The following MRTFB variants were observed in gnomAD, a reference collection of about 807,000 sequenced individuals.
The protein encoded by MRTFB is myocardin related transcription factor B.
A neutral mutation model predicts 104.2 loss-of-function variants in MRTFB; 29 were observed. The ratio of observed to expected loss-of-function variants is 0.28; its 90% CI spans 0.21 to 0.38. The LOEUF is 0.38. MRTFB is among the 10% of genes least tolerant of loss of function. MRTFB has a pLI of 1.00. For missense variants in MRTFB, 1,270 were observed against 1,341.6 expected, an observed-to-expected ratio of 0.95 and a Z score of 0.83; for synonymous variants, 535 against 519.5, an observed-to-expected ratio of 1.03 and a Z score of -0.41.
chr16:14,187,083 G>A (rs767375095), intron 3 of MRTFB: 41 of 1,502,322 alleles, frequency 2.7e-5, no homozygotes, highest in Non-Finnish European at 3.5e-5. Context: ...TCATATTCTG[G>A]TCAGCCAGCT....
At chr16:13,998,316 T>G in the MRTFB span, among the ~76,000 whole-genome samples, 1 of 152,202 alleles carries the variant, frequency 6.6e-6, no homozygotes, top group African/African-American at 2.4e-5. Flanking sequence ...GTAACAGACC[T>G]GGGATTCTTA....
chr16:14,005,682 C>A, the MRTFB span, among the ~76,000 whole-genome samples: 124 of 152,216 alleles, frequency 8.1e-4, 1 homozygote, highest in East Asian at 0.021. Context: ...GGAGATGGTC[C>A]CAGAGATTGC....
the MRTFB span, among the ~76,000 whole-genome samples, chr16:14,004,214 C>T: frequency 1.3e-5 from 2 of 152,094 alleles, no homozygotes; most frequent in African/African-American, 2.4e-5. Flanking sequence ...CTAGCTGGAC[C>T]GCAGACAAGT....
the MRTFB span, among the ~76,000 whole-genome samples, chr16:14,053,550 G>A: frequency 6.6e-6 from 1 of 151,988 alleles, no homozygotes; most frequent in Non-Finnish European, 1.5e-5. Flanking sequence ...GGCCAACATG[G>A]TGAAACCCTG....
chr16:14,262,508 A>T lies in MRTFB; in HGVS notation c.*1064A>T, dbSNP rs894107201. On this transcript the variant is annotated 3_prime_UTR_variant, in exon 17 of 17. Transcript: ENST00000571589. ...CCCAGGACATTCCCATGATGAGTAC[A>T]GGTCAGATTGTGCCACAAGGTGGGC... is the stretch of plus-strand genomic sequence containing the variant. The T allele has an allele frequency of 1.3e-5, 2 of 152,242 alleles. No individual in the cohort carries two copies. Among genetic ancestry groups the T allele is most frequent in the South Asian group, 4.1e-4 (2 of 4,832 alleles). 9.4% of individuals were successfully genotyped at this position (152,242 alleles called of 1,614,324 possible). A position where few individuals can be genotyped will look rare whatever the true frequency, so the allele number is the denominator to read the frequency against.
chr16:14,110,845 G>GT (rs1302894327), intron 2 of MRTFB, among the ~76,000 whole-genome samples: 21 of 152,000 alleles, frequency 1.4e-4, no homozygotes, highest in Admixed American at 1.4e-3. Flanking sequence ...TATTCCCAGC[G>GT]TGAATCCCTC....
intron 1 of MRTFB, among the ~76,000 whole-genome samples, chr16:14,072,702 T>C (rs1029396913): frequency 1.3e-5 from 2 of 152,036 alleles, no homozygotes; most frequent in African/African-American, 4.8e-5. Flanking sequence ...AGAGCAGAGA[T>C]ACAGACGGAG....
chr16:14,011,243 T>A, the MRTFB span, among the ~76,000 whole-genome samples: 558 of 152,332 alleles, frequency 3.7e-3, 3 homozygotes, highest in African/African-American at 0.013. Context: ...TTCTTCCAGA[T>A]GTAGAGAAAA....
intron 10 of MRTFB, among the ~76,000 whole-genome samples, chr16:14,243,586 A>G (rs1312615582): frequency 6.6e-6 from 1 of 151,860 alleles, no homozygotes; most frequent in African/African-American, 2.4e-5. Context: ...TCTCGTTTTA[A>G]TACTGAAAGT....
At chr16:14,231,227 T>C (rs933419528) in intron 8 of MRTFB, among the ~76,000 whole-genome samples, 2 of 151,394 alleles carry the variant, frequency 1.3e-5, no homozygotes, top group South Asian at 4.2e-4. Context: ...GGCACATGTA[T>C]ACATATGTAA....
chr16:14,246,275 G>A (rs929855207), intron 11 of MRTFB, among the ~76,000 whole-genome samples, 198 bp from the exon 12 acceptor site: 6 of 152,100 alleles, frequency 3.9e-5, no homozygotes, highest in African/African-American at 7.2e-5. Context: ...AACCCTTACC[G>A]TATCACTGGC....
intron 2 of MRTFB, among the ~76,000 whole-genome samples, chr16:14,132,881 T>A (rs1423512633): frequency 6.6e-6 from 1 of 152,216 alleles, no homozygotes; most frequent in Non-Finnish European, 1.5e-5. Context: ...AACTGAGTTG[T>A]GTCCTAACCA....
intron 6 of MRTFB, 106 bp downstream of exon 6, chr16:14,213,726 C>T (rs1224593863): frequency 1.1e-5 from 9 of 812,826 alleles, no homozygotes; most frequent in African/African-American, 1.7e-5. Flanking sequence ...TAACCCACAG[C>T]CTTACTTCCT....
chr16:14,028,228 C>CAAAACAAAACAAAACAAAA, the MRTFB span, among the ~76,000 whole-genome samples: 5 of 73,446 alleles, frequency 6.8e-5, no homozygotes, highest in Non-Finnish European at 1.8e-4. Flanking sequence ...ACAAAACAAA[C>CAAAACAAAACAAAACAAAA]CAAGTAACTG....
the MRTFB span, among the ~76,000 whole-genome samples, chr16:14,054,205 C>G: frequency 6.6e-6 from 1 of 151,738 alleles, no homozygotes; most frequent in Admixed American, 6.6e-5. Context: ...TTCATTTTTT[C>G]TTTTTTAATT....
chr16:14,220,418 G>GTTGT (rs2151222367), intron 8 of MRTFB, among the ~76,000 whole-genome samples: 1 of 152,316 alleles, frequency 6.6e-6, no homozygotes, highest in African/African-American at 2.4e-5. Flanking sequence ...ACAGCCATCA[G>GTTGT]TTGTTTAAAT....
At chr16:14,008,938 T>TTTTATTAATTTATTTATTTATTTATTTA in the MRTFB span, among the ~76,000 whole-genome samples, 1 of 148,650 alleles carries the variant, frequency 6.7e-6, no homozygotes, top group Admixed American at 6.8e-5. Flanking sequence ...TTTTTTAAAA[T>TTTTATTAATTTATTTATTTATTTATTTA]TTTATGTATT....
chr16:14,103,146 T>C (rs1048127227), intron 2 of MRTFB, among the ~76,000 whole-genome samples: 2 of 152,176 alleles, frequency 1.3e-5, no homozygotes, highest in Non-Finnish European at 2.9e-5. Flanking sequence ...TTCACAGCAC[T>C]TTGCTCTCAT....
At chr16:14,127,395 T>G (rs1342514542) in intron 2 of MRTFB, among the ~76,000 whole-genome samples, 1 of 152,056 alleles carries the variant, frequency 6.6e-6, no homozygotes, top group Non-Finnish European at 1.5e-5. Context: ...GGTAAGTATC[T>G]TTGTCTTACA....
Sources: gnomAD v4.1 joint callset for allele counts (sites outside exome capture counted in the v4.1 genomes callset) on GRCh38, gnomAD v4.1.1 for gene constraint, MANE v1.5 for transcripts, NCBI Gene and HGNC (gene_info 2026-07-23, HGNC 2026-07-21) for gene names.